ABCA5: variants seen among roughly 807,000 people sequenced by gnomAD.
ABCA5 encodes the protein ATP binding cassette subfamily A member 5, also known as cholesterol transporter ABCA5.
A neutral mutation model predicts 206.0 loss-of-function variants in ABCA5; 163 were observed. That is an observed-to-expected ratio of 0.79 (90% CI 0.70 to 0.90). ABCA5 has a LOEUF of 0.90. Among genes scored for constraint, ABCA5 ranks in the 40% least tolerant of loss-of-function variants. The probability of loss-of-function intolerance (pLI) is 0.00; values close to 1 mark genes in which losing one functional copy is unlikely to be tolerated. For synonymous variants in ABCA5, 609 were observed against 613.8 expected (o/e 0.99, Z 0.11); for missense variants, 1,859 against 1,912.9 (o/e 0.97, Z 0.53).
At chr17:69,293,812 C>A (rs2144989974) in intron 11 of ABCA5, among the ~76,000 whole-genome samples, 1 of 151,354 alleles carries the variant, frequency 6.6e-6, no homozygotes, top group South Asian at 2.1e-4. Context: ...CTCCCCTAAT[C>A]CCCCACCCTA....
At chr17:69,250,183 A>C (rs1598144202) in intron 36 of ABCA5, among the ~76,000 whole-genome samples, 199 bp from the exon 37 acceptor site, 1 of 152,012 alleles carries the variant, frequency 6.6e-6, no homozygotes, top group Non-Finnish European at 1.5e-5. Flanking sequence ...AAAAATTTAA[A>C]TACTACTGAA....
chr17:69,272,898 T>C (rs998276215), intron 20 of ABCA5, among the ~76,000 whole-genome samples: 6 of 152,224 alleles, frequency 3.9e-5, no homozygotes, highest in Admixed American at 6.5e-5. Flanking sequence ...AAAGTCTTTT[T>C]TGAATTAGTG....
intron 1 of ABCA5, among the ~76,000 whole-genome samples, chr17:69,316,108 A>G (rs1228185694): frequency 1.3e-5 from 2 of 152,208 alleles, no homozygotes; most frequent in African/African-American, 4.8e-5. Flanking sequence ...ACAGAAAAAA[A>G]GTCAGGAAAC....
Position 69,305,450 on chromosome 17 carries a change from G to C in ABCA5, c.789-640C>G, listed in dbSNP as rs560670123. Among the ~76,000 whole-genome samples the C allele has an allele frequency of 1.2e-4, 18 of 152,260 alleles. 1 individual carries two copies. In the South Asian group the frequency reaches 3.3e-3, roughly 28 times the overall value. On this transcript the variant is annotated intron_variant, in intron 6 of 38. Transcript: ENST00000392676. ...ACTGAGTTAAGGCTAAAAAGGTAGC[G>C]AAATTATCAAAATTGAATCCATCAT...
At chr17:69,317,023 G>A (rs2075822753) in intron 1 of ABCA5, 1 of 152,176 alleles carries the variant, frequency 6.6e-6, no homozygotes, top group Non-Finnish European at 1.5e-5. Context: ...ATAGCAGAAA[G>A]GTAGAAACAG....
intron 19 of ABCA5, among the ~76,000 whole-genome samples, chr17:69,276,817 T>C (rs1036182795): frequency 1.3e-5 from 2 of 152,286 alleles, no homozygotes; most frequent in Non-Finnish European, 2.9e-5. Flanking sequence ...ATAAAATAAA[T>C]TGAAACATGC....
At chr17:69,312,661 T>G (rs1195504122) in intron 3 of ABCA5, among the ~76,000 whole-genome samples, 4 of 152,172 alleles carry the variant, frequency 2.6e-5, no homozygotes, top group African/African-American at 4.8e-5. Context: ...CATAGTTCAC[T>G]GCAGCCCCAA....
rs2074992240 is a variant in ABCA5, at chr17:69,249,903, A to G, written c.4765+2T>C. ...TAAGCCAAAATAGAAGATACTACTT[A>G]CCTTCTTCCAGCTTAAAAAAAGATT... On this transcript the variant is annotated splice_donor_variant, in intron 37 of 38. Transcript: ENST00000392676. LOFTEE classifies it high-confidence loss of function. 2 of 1,563,656 alleles carry G rather than the reference A, an allele frequency of 1.3e-6. No homozygotes were observed. The highest frequency in any genetic ancestry group is 1.7e-6 in the Non-Finnish European group (2 of 1,157,350).
intron 22 of ABCA5, 43 bp downstream of exon 22, chr17:69,270,570 A>G (rs1279784097): frequency 6.6e-7 from 1 of 1,505,294 alleles, no homozygotes; most frequent in East Asian, 2.4e-5. Context: ...TATTATATAT[A>G]TGACATGCAT....
chr17:69,277,489 T>G (rs534137939), intron 19 of ABCA5, 152 bp downstream of exon 19: 1 of 562,966 alleles, frequency 1.8e-6, no homozygotes, highest in Non-Finnish European at 2.9e-6. Context: ...TTATTGTAAT[T>G]TTTTTCTCTA....
intron 11 of ABCA5, among the ~76,000 whole-genome samples, chr17:69,291,883 T>C (rs1020794352): frequency 1.3e-5 from 2 of 151,758 alleles, no homozygotes; most frequent in Non-Finnish European, 2.9e-5. Context: ...GAGGCTGAGG[T>C]GGGAGGATCA....
chr17:69,290,875 T>C (rs1196212510), intron 12 of ABCA5, among the ~76,000 whole-genome samples: 3 of 152,142 alleles, frequency 2.0e-5, no homozygotes, highest in Non-Finnish European at 4.4e-5. Context: ...TATTTAGATA[T>C]TTGTGTTTAT....
chr17:69,290,794 A>G (rs539601228), intron 12 of ABCA5, among the ~76,000 whole-genome samples: 1 of 152,252 alleles, frequency 6.6e-6, no homozygotes, highest in South Asian at 2.1e-4. Flanking sequence ...CTTTTGAGGT[A>G]TGCCTTTAAA....
At chr17:69,274,361 G>A (rs560859527) in intron 19 of ABCA5, among the ~76,000 whole-genome samples, 148 of 151,470 alleles carry the variant, frequency 9.8e-4, no homozygotes, top group African/African-American at 3.2e-3. Context: ...TGAGACTACA[G>A]GCACACGCCA....
chr17:69,259,975 C>A (rs1279856944), intron 27 of ABCA5, among the ~76,000 whole-genome samples, 178 bp from the exon 28 acceptor site: 2 of 151,818 alleles, frequency 1.3e-5, no homozygotes, highest in African/African-American at 4.8e-5. Context: ...AATTTTAATA[C>A]AAACCAAAGC....
At chr17:69,300,217 A>C (rs1567775802) in intron 9 of ABCA5, among the ~76,000 whole-genome samples, 1 of 152,206 alleles carries the variant, frequency 6.6e-6, no homozygotes, top group Admixed American at 6.5e-5. Flanking sequence ...TTCTCATAAG[A>C]AGCATGCAAC....
rs371047302 is a variant in ABCA5, at chr17:69,289,858, A to G, written c.1782+4T>C. ...AAGTAAAGATTTCTATATGAATAGC[A>G]TACTTCTTGTATTATATTGTTGGCT... is the stretch of plus-strand genomic sequence containing the variant. On this transcript the variant is annotated splice_donor_region_variant and intron_variant, in intron 13 of 38. Coordinates refer to ENST00000392676, the MANE Select transcript of ABCA5 (RefSeq NM_172232.4). 3.8e-6 allele frequency: 6 copies of G among 1,591,016 alleles called. No individual in the cohort carries two copies. The African/African-American group carries it at 8.1e-5, about 22-fold the overall frequency.
At chr17:69,272,241 A>G (rs1033667412) in intron 20 of ABCA5, among the ~76,000 whole-genome samples, 1 of 152,116 alleles carries the variant, frequency 6.6e-6, no homozygotes, top group African/African-American at 2.4e-5. Context: ...GAGACACATT[A>G]TAAGTGAAGG....
intron 24 of ABCA5, among the ~76,000 whole-genome samples, chr17:69,264,320 T>C (rs2075183942): frequency 6.6e-6 from 1 of 152,174 alleles, no homozygotes; most frequent in Non-Finnish European, 1.5e-5. Flanking sequence ...AGTTGTGTTC[T>C]TCATCTGGCT....
Sources: gnomAD v4.1 joint callset for allele counts (sites outside exome capture counted in the v4.1 genomes callset) on GRCh38, gnomAD v4.1.1 for gene constraint, MANE v1.5 for transcripts, NCBI Gene and HGNC (gene_info 2026-07-23, HGNC 2026-07-21) for gene names.